The following RFX7 variants were observed in gnomAD, a reference collection of about 807,000 sequenced individuals.
RFX7 encodes DNA-binding protein RFX7.
RFX7 carries 26 observed loss-of-function variants against 111.8 expected under a neutral mutation model. That is an observed-to-expected ratio of 0.23 (90% CI 0.17 to 0.32). The LOEUF is 0.32. RFX7 is among the 10% of genes least tolerant of loss of function. The pLI is 1.00. For missense variants in RFX7, 1,573 were observed against 1,772.9 expected (o/e 0.89, Z 2.02); for synonymous variants, 624 against 624.4 (o/e 1.00, Z 0.01).
In RFX7 at chr15:56,125,610, AGTGTGTGTGTGTGT is replaced by A. The variant is rs10564650; in HGVS notation, c.401+17154_401+17167del. Among the ~76,000 whole-genome samples the A allele has an allele frequency of 1.0e-3, 152 of 147,050 alleles. 1 individual carries two copies. Among genetic ancestry groups the A allele is most frequent in the African/African-American group, 3.5e-3 (139 of 39,696 alleles). ...TCTGAGGGTTTCTTCTGTGTGTGTG[AGTGTGTGTGTGTGT>A]GTGTGTGTGTGTGTGTGTGTGTATG... On this transcript the variant is annotated intron_variant, in intron 5 of 9. Transcript: ENST00000559447.
At chr15:56,117,528 A>C (rs1176300534) in intron 5 of RFX7, among the ~76,000 whole-genome samples, 3 of 152,172 alleles carry the variant, frequency 2.0e-5, no homozygotes, top group African/African-American at 7.2e-5. Flanking sequence ...ACTACTTGAA[A>C]GTATACACTA....
chr15:56,098,034 G>T, intron 9 of RFX7, 47 bp downstream of exon 9: 1 of 1,556,416 alleles, frequency 6.4e-7, no homozygotes. Flanking sequence ...GTAAACAGTT[G>T]ATTTCCCACC....
intron 3 of RFX7, among the ~76,000 whole-genome samples, chr15:56,166,134 T>C (rs2042779670): frequency 6.6e-6 from 1 of 152,186 alleles, no homozygotes; most frequent in Admixed American, 6.5e-5. Context: ...ATTCCTGGGC[T>C]CAAGGGATTC....
intron 2 of RFX7, among the ~76,000 whole-genome samples, chr15:56,227,527 A>G (rs2043498278): frequency 6.6e-6 from 1 of 152,060 alleles, no homozygotes; most frequent in Non-Finnish European, 1.5e-5. Flanking sequence ...TTTATTAACA[A>G]ATTTTTTTTA....
chr15:56,119,203 C>CTTTAACTGCA (rs1348301842), intron 5 of RFX7, among the ~76,000 whole-genome samples: 1 of 152,170 alleles, frequency 6.6e-6, no homozygotes, highest in Non-Finnish European at 1.5e-5. Flanking sequence ...GTGATCCCAT[C>CTTTAACTGCA]TGTCCACTTC....
At chr15:56,194,363 T>G (rs1297919135) in intron 2 of RFX7, among the ~76,000 whole-genome samples, 4 of 152,018 alleles carry the variant, frequency 2.6e-5, no homozygotes, top group Non-Finnish European at 5.9e-5. Flanking sequence ...CAATCTGAAA[T>G]AGAGGAGGTA....
rs544194336 is a variant in RFX7, at chr15:56,127,667, C to A, written c.401+15111G>T. Among the ~76,000 whole-genome samples, 216 of 151,522 alleles carry A rather than the reference C, an allele frequency of 1.4e-3. 1 individual carries two copies. The highest frequency in any genetic ancestry group is 4.9e-3 in the African/African-American group (202 of 41,320). On this transcript the variant is annotated intron_variant, in intron 5 of 9. Coordinates refer to ENST00000559447, the MANE Select transcript of RFX7 (RefSeq NM_022841.7). ...GGTTCATGCCATTCTCCTGCCTCAGCCTCCCATGTAGCTGGGACTACAGGC... is the reference window on the plus strand; with the variant it reads ...GGTTCATGCCATTCTCCTGCCTCAGACTCCCATGTAGCTGGGACTACAGGC...
intron 3 of RFX7, among the ~76,000 whole-genome samples, chr15:56,158,280 TG>T (rs2042678485): frequency 6.6e-6 from 1 of 152,198 alleles, no homozygotes; most frequent in South Asian, 2.1e-4. Flanking sequence ...CTTTTTAAGC[TG>T]AGTATCAATT....
At chr15:56,143,234 A>C (rs1172311274) in intron 4 of RFX7, among the ~76,000 whole-genome samples, 1 of 152,018 alleles carries the variant, frequency 6.6e-6, no homozygotes, top group Non-Finnish European at 1.5e-5. Flanking sequence ...AAATCATCAA[A>C]CTTTAAAACA....
chr15:56,205,709 C>T (rs1338935352), intron 2 of RFX7, among the ~76,000 whole-genome samples: 2 of 152,112 alleles, frequency 1.3e-5, no homozygotes, highest in Non-Finnish European at 2.9e-5. Flanking sequence ...AGCAGAGGGA[C>T]AGAAACATAT....
chr15:56,217,282 C>G (rs2043372233), intron 2 of RFX7, among the ~76,000 whole-genome samples: 1 of 152,152 alleles, frequency 6.6e-6, no homozygotes, highest in Non-Finnish European at 1.5e-5. Flanking sequence ...CATCTAAAAA[C>G]ATTAACAATA....
chr15:56,217,521 G>A (rs182211694), intron 2 of RFX7, among the ~76,000 whole-genome samples: 101 of 150,280 alleles, frequency 6.7e-4, no homozygotes, highest in African/African-American at 2.3e-3. Flanking sequence ...TTCTCTTGAT[G>A]TCATAAAGGA....
At chr15:56,175,109 TG>T (rs1332334743) in intron 3 of RFX7, among the ~76,000 whole-genome samples, 1 of 152,178 alleles carries the variant, frequency 6.6e-6, no homozygotes, top group Non-Finnish European at 1.5e-5. Flanking sequence ...AATAGGTGAA[TG>T]TAGCAAGTTT....
intron 8 of RFX7, among the ~76,000 whole-genome samples, chr15:56,100,258 A>T (rs1288323541): frequency 4.6e-5 from 7 of 152,204 alleles, no homozygotes; most frequent in African/African-American, 1.7e-4. Flanking sequence ...GAGGTAACAT[A>T]AGTGAGCTAT....
At chr15:56,181,058 G>C (rs2042966032) in intron 2 of RFX7, among the ~76,000 whole-genome samples, 1 of 152,230 alleles carries the variant, frequency 6.6e-6, no homozygotes, top group Non-Finnish European at 1.5e-5. Context: ...AGTGGCCAGA[G>C]TGATTCTTTT....
At chr15:56,212,041 C>G (rs140206526) in intron 2 of RFX7, among the ~76,000 whole-genome samples, 39 of 152,206 alleles carry the variant, frequency 2.6e-4, no homozygotes, top group African/African-American at 8.4e-4. Context: ...AAAATACATT[C>G]ATACGAAAAC....
intron 2 of RFX7, among the ~76,000 whole-genome samples, chr15:56,242,105 T>C (rs2043697859): frequency 6.6e-6 from 1 of 152,366 alleles, no homozygotes; most frequent in Admixed American, 6.5e-5. Context: ...TATTCAATGA[T>C]GGCCCTGCAA....
intron 3 of RFX7, among the ~76,000 whole-genome samples, chr15:56,172,903 T>A (rs1282313493): frequency 6.6e-6 from 1 of 152,046 alleles, no homozygotes; most frequent in African/African-American, 2.4e-5. Flanking sequence ...CTGCAGCAAC[T>A]CTCCCAGCAC....
At chr15:56,144,641 T>C (rs2042444415) in intron 3 of RFX7, among the ~76,000 whole-genome samples, 158 bp from the exon 4 acceptor site, 1 of 152,166 alleles carries the variant, frequency 6.6e-6, no homozygotes, top group Admixed American at 6.5e-5. Flanking sequence ...ACAATGAGGT[T>C]ATTTGATAAA....
Sources: allele counts gnomAD v4.1 joint callset (sites outside exome capture counted in the v4.1 genomes callset), GRCh38; gene constraint gnomAD v4.1.1; transcripts MANE v1.5; gene names NCBI Gene and HGNC (gene_info 2026-07-23, HGNC 2026-07-21).